SMC5: variants seen among roughly 807,000 people sequenced by gnomAD.
The protein encoded by SMC5 is structural maintenance of chromosomes 5, also known as structural maintenance of chromosomes protein 5.
In SMC5, 88 loss-of-function variants were observed where a neutral mutation model predicts 148.3. The observed-to-expected ratio is 0.59, with a 90% CI of 0.50 to 0.71. SMC5 has a LOEUF of 0.71. Among genes scored for constraint, SMC5 ranks in the 30% least tolerant of loss-of-function variants. The pLI, the probability that SMC5 is intolerant of heterozygous loss-of-function variation, is 0.00. For synonymous variants in SMC5, 421 were observed against 432.8 expected, an observed-to-expected ratio of 0.97 and a Z score of 0.34; for missense variants, 1,142 against 1,298.9, an observed-to-expected ratio of 0.88 and a Z score of 1.86.
intron 2 of SMC5, 102 bp downstream of exon 2, chr9:70,264,547 A>G (rs754281315): frequency 3.4e-5 from 38 of 1,129,964 alleles, no homozygotes; most frequent in Non-Finnish European, 2.6e-5. Context: ...CAAACTTAAT[A>G]GTGCATGAAT....
At chr9:70,292,589 A>G (rs749249900) in intron 8 of SMC5, among the ~76,000 whole-genome samples, 17 of 152,164 alleles carry the variant, frequency 1.1e-4, no homozygotes, top group Non-Finnish European at 2.4e-4. Flanking sequence ...TGATCTTAGG[A>G]GGAAAGCATT....
At chr9:70,333,371 G>A (rs1176526723) in intron 17 of SMC5, among the ~76,000 whole-genome samples, 2 of 152,108 alleles carry the variant, frequency 1.3e-5, no homozygotes, top group African/African-American at 2.4e-5. Flanking sequence ...TTGGGAGGCC[G>A]AGGCTGGAGG....
At chr9:70,338,984 T>A (rs562578383) in intron 17 of SMC5, among the ~76,000 whole-genome samples, 2 of 152,244 alleles carry the variant, frequency 1.3e-5, no homozygotes, top group East Asian at 3.9e-4. Context: ...TGTAAGACCT[T>A]ATCTCTAAAA....
rs772053403 is a variant in SMC5 at position 70,280,731 on chromosome 9, C to G, written c.679-28C>G. 3 of 1,572,732 alleles carry G rather than the reference C, an allele frequency of 1.9e-6. No individual in the cohort carries two copies. In the African/African-American group the frequency reaches 4.1e-5, roughly 22 times the overall value. On this transcript the variant is annotated intron_variant, in intron 5 of 24. Transcript: ENST00000361138. ...ACCTGTTGTCATTTTTTCTGTCAAA[C>G]TGATTGTTCAACATATATTTATTGT... is the stretch of plus-strand genomic sequence containing the variant.
intron 13 of SMC5, among the ~76,000 whole-genome samples, chr9:70,318,170 C>T (rs2035854244): frequency 6.6e-6 from 1 of 152,068 alleles, no homozygotes; most frequent in Non-Finnish European, 1.5e-5. Context: ...ATCTCAGAGG[C>T]AGGAATTCAA....
At chr9:70,346,482 CA>C in intron 18 of SMC5, 122 bp from the exon 19 acceptor site, 1 of 953,676 alleles carries the variant, frequency 1.0e-6, no homozygotes, top group Non-Finnish European at 1.6e-6. Flanking sequence ...TGGTGAAATT[CA>C]ACTGTCAAAG....
At position 70,314,751 on chromosome 9, in the gene SMC5, A is replaced by C. The variant is rs748409663; in HGVS notation, c.1588A>C (p.Asn530His). ...MEVFLKEVRD[N>H]KKLRVNAVIA... ...TTTTCCCTATATTCAGGTTCGTGAC[A>C]ATAAAAAATTAAGAGTAAATGCTGT... The change falls in exon 12 of 25, where the codon AAT becomes CAT. Residue 530 changes from asparagine (N) to histidine (H), a missense_variant. This residue lies in a region of SMC5 where 743 missense variants were observed against 835.7 expected (regional missense o/e 0.89). Transcript: ENST00000361138. The C allele has an allele frequency of 1.3e-6, 2 of 1,545,826 alleles. No individual in the cohort carries two copies. Among genetic ancestry groups the C allele is most frequent in the East Asian group, 4.7e-5 (2 of 42,726 alleles).
At position 70,324,027 on chromosome 9, in the gene SMC5, ACTT is replaced by A; in HGVS notation, c.2285_2287del (p.Ser762del). The stretch of plus-strand genomic sequence containing the variant: ...TAGGGGTTTTTGTTCCTAGATTTGT[ACTT>A]CTTTGCATATACAAAAAGTAGATTT... On this transcript the variant is annotated inframe_deletion, in exon 17 of 25. Transcript: ENST00000361138. 1.3e-6 allele frequency: 2 copies of A among 1,556,626 alleles called. No homozygotes were observed. Among genetic ancestry groups the A allele is most frequent in the African/African-American group, 1.4e-5 (1 of 72,006 alleles).
Position 70,352,487 on chromosome 9 carries a change from A to G in SMC5, c.*156A>G. 1 of 699,252 alleles carries G rather than the reference A, an allele frequency of 1.4e-6. No individual in the cohort carries two copies. Among genetic ancestry groups the G allele is most frequent in the South Asian group, 2.7e-5 (1 of 36,726 alleles). The allele number at this position is 699,252 out of a possible 1,614,324, so 43.3% of individuals were successfully genotyped here. On this transcript the variant is annotated 3_prime_UTR_variant, in exon 25 of 25. Coordinates refer to ENST00000361138, the MANE Select transcript of SMC5 (RefSeq NM_015110.4). ...TAGGTTGATAATGGAAACTATAATGACCTTTCCAAAATAGCAGCTGGTAGT... is the reference window on the plus strand; with the variant it reads ...TAGGTTGATAATGGAAACTATAATGGCCTTTCCAAAATAGCAGCTGGTAGT...
intron 18 of SMC5, 78 bp from the exon 19 acceptor site, chr9:70,346,527 C>T: frequency 7.2e-7 from 1 of 1,388,726 alleles, no homozygotes. Flanking sequence ...TTTAGTTCTT[C>T]ATAAGTGCAG....
In SMC5 at chr9:70,350,256, A is replaced by G. The variant is rs1194165781; in HGVS notation, c.3032A>G (p.Asn1011Ser). The change falls in exon 23 of 25, where the codon AAT becomes AGT. Residue 1011 changes from asparagine (N) to serine (S), a missense_variant. Physicochemically the swap from Asn to Ser is conservative, Grantham distance 46. This residue lies in a region of SMC5 where 30 missense variants were observed against 65.3 expected (regional missense o/e 0.46). Coordinates refer to ENST00000361138, the MANE Select transcript of SMC5 (RefSeq NM_015110.4). ...TACTTGATGGCACTTCAGGAGCTAA[A>G]TAGATGTCCATTCAGAGTAGTTGAT... Reference protein sequence around the residue: ...MLYLMALQELNRCPFRVVDEI... With the variant: ...MLYLMALQELSRCPFRVVDEI... The G allele has an allele frequency of 6.2e-7, 1 of 1,613,380 alleles. No individual in the cohort carries two copies. Among genetic ancestry groups the G allele is most frequent in the Non-Finnish European group, 8.5e-7 (1 of 1,179,714 alleles).
intron 8 of SMC5, among the ~76,000 whole-genome samples, chr9:70,292,690 T>C (rs2035094726): frequency 6.6e-6 from 1 of 152,184 alleles, no homozygotes; most frequent in African/African-American, 2.4e-5. Context: ...TATGTATTCC[T>C]ATGTTTCTAG....
At chr9:70,338,258 A>G (rs1587710664) in intron 17 of SMC5, among the ~76,000 whole-genome samples, 1 of 151,810 alleles carries the variant, frequency 6.6e-6, no homozygotes, top group East Asian at 1.9e-4. Context: ...CAGTCTTCCC[A>G]CCTCGGCCTC....
At position 70,282,488 on chromosome 9, in the gene SMC5, G is replaced by C. The variant is rs767679887; in HGVS notation, c.886G>C (p.Val296Leu). 2 of 1,608,102 alleles carry C rather than the reference G, an allele frequency of 1.2e-6. No homozygotes were observed. The highest frequency in any genetic ancestry group is 2.2e-5 in the East Asian group (1 of 44,484). The change falls in exon 7 of 25, where the codon GTC (valine) becomes CTC (leucine). Residue 296 changes from valine (V) to leucine (L), a missense_variant. Physicochemically the swap from Val to Leu is conservative, Grantham distance 32. Around this residue, in one of 5 missense-constraint regions of SMC5, gnomAD observed 743 missense variants for 835.7 expected, o/e 0.89. Coordinates refer to ENST00000361138, the MANE Select transcript of SMC5 (RefSeq NM_015110.4). The part of the protein sequence containing the change: ...KLVRDRVKEE[V>L]RKLKEGQIPV... Reference sequence around the variant, plus strand: ...AGTTCGTGACCGAGTGAAGGAAGAGGTCAGAAAACTTAAAGAAGGGCAGAT... The same window carrying C: ...AGTTCGTGACCGAGTGAAGGAAGAGCTCAGAAAACTTAAAGAAGGGCAGAT...
intron 8 of SMC5, among the ~76,000 whole-genome samples, chr9:70,292,951 G>A (rs1246418448): frequency 6.6e-6 from 1 of 152,004 alleles, no homozygotes; most frequent in Non-Finnish European, 1.5e-5. Context: ...ATACTGTTTT[G>A]TAGTCTTCTT....
chr9:70,262,910 A>G (rs139767412), intron 1 of SMC5, among the ~76,000 whole-genome samples: 17 of 152,000 alleles, frequency 1.1e-4, no homozygotes, highest in Admixed American at 2.0e-4. Context: ...CAGTGCAGAC[A>G]CTTGATCTGG....
chr9:70,343,703 C>G (rs1468711169), intron 17 of SMC5, among the ~76,000 whole-genome samples: 1 of 152,030 alleles, frequency 6.6e-6, no homozygotes, highest in African/African-American at 2.4e-5. Flanking sequence ...GTAATCTCAG[C>G]TACTCGGGAG....
intron 18 of SMC5, 98 bp downstream of exon 18, chr9:70,344,367 T>C: frequency 1.1e-6 from 1 of 911,150 alleles, no homozygotes; most frequent in Non-Finnish European, 1.5e-6. Context: ...AAACATGATG[T>C]GTCGTAAAAA....
chr9:70,335,944 A>T (rs979027598), intron 17 of SMC5, among the ~76,000 whole-genome samples: 3 of 152,238 alleles, frequency 2.0e-5, no homozygotes, highest in African/African-American at 7.2e-5. Flanking sequence ...GTAACATAAC[A>T]TCCATGTGTC....
Sources: gnomAD v4.1 joint callset for allele counts (sites outside exome capture counted in the v4.1 genomes callset) on GRCh38, gnomAD v4.1.1 for gene constraint, gnomAD v4.1.1 regional missense constraint, MANE v1.5 for transcripts, NCBI Gene and HGNC (gene_info 2026-07-23, HGNC 2026-07-21) for gene names.